DCDC1: variants seen among roughly 807,000 people sequenced by gnomAD.
DCDC1 encodes doublecortin domain containing 1.
A neutral mutation model predicts 178.3 loss-of-function variants in DCDC1; 200 were observed. That is an observed-to-expected ratio of 1.12 (90% CI 1.00 to 1.26). The LOEUF (loss-of-function observed/expected upper bound fraction) is 1.26, where lower values mean the gene tolerates loss of function less well. DCDC1 is among the 50% of genes most tolerant of loss of function. The pLI is 0.00. For synonymous variants in DCDC1, 690 were observed against 604.8 expected (o/e 1.14, Z -2.07); for missense variants, 1,983 against 1,749.2 (o/e 1.13, Z -2.38).
At chr11:30,997,811 A>ATGTGTG (rs150426755) in intron 20 of DCDC1, among the ~76,000 whole-genome samples, 1 of 149,048 alleles carries the variant, frequency 6.7e-6, no homozygotes, top group East Asian at 2.0e-4. Flanking sequence ...CATAGTGTGT[A>ATGTGTG]TGTGTGTGTG....
chr11:30,944,959 C>CTTTT lies in DCDC1; in HGVS notation c.2715+7482_2715+7485dup, dbSNP rs34334567. Among the ~76,000 whole-genome samples, 28 of 65,504 alleles carry CTTTT rather than the reference C, an allele frequency of 4.3e-4. 2 individuals are homozygous for CTTTT. The highest frequency in any genetic ancestry group is 1.6e-3 in the African/African-American group (25 of 15,822). The allele number at this position is 65,504 out of a possible 152,430, so 43.0% of individuals were successfully genotyped here. ...AATCACAGACCATCAACAAAAATGT[C>CTTTT]TTTTTTTTTTTTTTTTTTTTTTTTT... On this transcript the variant is annotated intron_variant, in intron 21 of 38. Coordinates refer to ENST00000684477, the MANE Select transcript of DCDC1 (RefSeq NM_001387274.1).
At chr11:31,213,221 T>G (rs190222817) in intron 9 of DCDC1, among the ~76,000 whole-genome samples, 1 of 147,532 alleles carries the variant, frequency 6.8e-6, no homozygotes, top group Non-Finnish European at 1.5e-5. Context: ...GGCTCTTCAG[T>G]CACTTCACCC....
At chr11:31,134,850 G>T (rs541300186) in intron 10 of DCDC1, among the ~76,000 whole-genome samples, 1 of 152,160 alleles carries the variant, frequency 6.6e-6, no homozygotes, top group African/African-American at 2.4e-5. Flanking sequence ...TTTTAAATGA[G>T]CTGGACATGG....
chr11:31,128,637 G>A (rs1591145811), intron 10 of DCDC1, among the ~76,000 whole-genome samples: 1 of 152,064 alleles, frequency 6.6e-6, no homozygotes, highest in African/African-American at 2.4e-5. Flanking sequence ...CATTGACATC[G>A]AAAACGTGGG....
At chr11:31,101,990 T>A (rs552992666) in intron 15 of DCDC1, among the ~76,000 whole-genome samples, 187 bp downstream of exon 15, 67 of 151,046 alleles carry the variant, frequency 4.4e-4, no homozygotes, top group Non-Finnish European at 8.1e-4. Context: ...GGCGGGAGAA[T>A]CGCTTGAACC....
chr11:30,978,173 G>A (rs541779821), intron 20 of DCDC1, among the ~76,000 whole-genome samples: 29 of 152,294 alleles, frequency 1.9e-4, no homozygotes, highest in East Asian at 7.7e-4. Context: ...GGCTATCCAC[G>A]CCAATTGTAG....
rs1195187451 is a variant in DCDC1 at position 31,038,798 on chromosome 11, G to A, written c.2591+25671C>T. Among the ~76,000 whole-genome samples the A allele has an allele frequency of 3.3e-5, 5 of 151,950 alleles. No homozygotes were observed. The East Asian group carries it at 9.7e-4, about 29-fold the overall frequency. ...CCTCTAACAACAGGACAGTTCTCCT[G>A]GGGAACAATTCTATTGTTGGAAGTG... On this transcript the variant is annotated intron_variant, in intron 20 of 38. Transcript: ENST00000684477.
chr11:31,121,816 A>G (rs1960850972), intron 11 of DCDC1, among the ~76,000 whole-genome samples: 1 of 152,104 alleles, frequency 6.6e-6, no homozygotes, highest in African/African-American at 2.4e-5. Context: ...AAAGATAATC[A>G]TCCCCATTTA....
At chr11:31,021,898 G>A (rs192255783) in intron 20 of DCDC1, among the ~76,000 whole-genome samples, 26 of 152,150 alleles carry the variant, frequency 1.7e-4, no homozygotes, top group African/African-American at 5.5e-4. Flanking sequence ...AAAATGGATC[G>A]ATTCTACTGT....
At chr11:31,219,621 T>G (rs1002571770) in intron 9 of DCDC1, among the ~76,000 whole-genome samples, 6 of 152,216 alleles carry the variant, frequency 3.9e-5, no homozygotes, top group African/African-American at 1.4e-4. Context: ...AAAAGGGTTT[T>G]CATTCTTTCA....
At chr11:31,110,838 C>T (rs1173133845) in intron 11 of DCDC1, among the ~76,000 whole-genome samples, 1 of 152,088 alleles carries the variant, frequency 6.6e-6, no homozygotes, top group African/African-American at 2.4e-5. Flanking sequence ...AATCTTTTGG[C>T]ACACTAAAAG....
rs769946866 is a variant in DCDC1 at position 31,045,895 on chromosome 11, T to G, written c.2591+18574A>C. On this transcript the variant is annotated intron_variant, in intron 20 of 38. Transcript: ENST00000684477. ...ACACAGAGCAGTCCCAAACCCATTT[T>G]CCAAGCTTCTCCAGTGGTAATATCT... Among the ~76,000 whole-genome samples the G allele has an allele frequency of 2.1e-4, 32 of 152,204 alleles. 1 individual carries two copies. The highest frequency in any genetic ancestry group is 3.2e-3 in the Middle Eastern group (1 of 316).
chr11:30,890,160 T>C (rs1943651644), intron 36 of DCDC1, among the ~76,000 whole-genome samples: 2 of 152,222 alleles, frequency 1.3e-5, no homozygotes, highest in African/African-American at 4.8e-5. Flanking sequence ...TCCAGAACTG[T>C]GAGAAAATCA....
chr11:30,868,942 G>C (rs920718152), intron 38 of DCDC1, among the ~76,000 whole-genome samples: 15 of 152,208 alleles, frequency 9.9e-5, no homozygotes, highest in African/African-American at 3.6e-4. Flanking sequence ...TCAGATGTCT[G>C]TCTTATAATG....
chr11:31,328,813 A>G (rs948403153), intron 2 of DCDC1, among the ~76,000 whole-genome samples: 1 of 143,990 alleles, frequency 6.9e-6, no homozygotes, highest in African/African-American at 2.8e-5. Flanking sequence ...TACATCTCAA[A>G]AAAAAAAAAA....
intron 20 of DCDC1, chr11:30,992,714 A>G (rs193200173): frequency 7.2e-5 from 11 of 152,306 alleles, no homozygotes; most frequent in Admixed American, 7.2e-4. Context: ...TTCAACCACT[A>G]TGTAAACTGA....
At chr11:31,361,432 G>T (rs1206683027) in intron 1 of DCDC1, among the ~76,000 whole-genome samples, 1 of 152,134 alleles carries the variant, frequency 6.6e-6, no homozygotes, top group Non-Finnish European at 1.5e-5. Context: ...TCTTTAGAGA[G>T]ACAGTAAAAT....
intron 1 of DCDC1, among the ~76,000 whole-genome samples, chr11:31,341,088 A>C (rs1950516695): frequency 6.6e-6 from 1 of 152,116 alleles, no homozygotes; most frequent in Non-Finnish European, 1.5e-5. Context: ...TTGCCTTTCC[A>C]CATCTTGGAG....
At chr11:31,290,561 G>A (rs1341000926) in intron 7 of DCDC1, 86 bp downstream of exon 7, 9 of 1,319,624 alleles carry the variant, frequency 6.8e-6, no homozygotes, top group South Asian at 4.6e-5. Context: ...TGTTGGCATC[G>A]ATATTTAGAA....
Sources: allele counts gnomAD v4.1 joint callset (sites outside exome capture counted in the v4.1 genomes callset), GRCh38; gene constraint gnomAD v4.1.1; transcripts MANE v1.5; gene names NCBI Gene and HGNC (gene_info 2026-07-23, HGNC 2026-07-21).